MOB1B: variants seen among roughly 807,000 people sequenced by gnomAD.
The protein encoded by MOB1B is MOB1 Mps One Binder homolog B.
MOB1B carries 19 observed loss-of-function variants against 24.4 expected under a neutral mutation model. The ratio of observed to expected loss-of-function variants is 0.78; its 90% CI spans 0.54 to 1.14. MOB1B has a LOEUF of 1.14. MOB1B is among the 50% of genes most tolerant of loss of function. The pLI is 0.00. For missense variants in MOB1B, 243 were observed against 259.6 expected (o/e 0.94, Z 0.44); for synonymous variants, 76 against 82.1 (o/e 0.93, Z 0.40).
At chr4:70,904,279 C>G (rs1578336428) in intron 1 of MOB1B, among the ~76,000 whole-genome samples, 2 of 151,882 alleles carry the variant, frequency 1.3e-5, no homozygotes, top group Admixed American at 1.3e-4. Flanking sequence ...CCCACCGTGC[C>G]TGGGCAGTTT....
At chr4:70,981,364 G>A (rs1184785903) in intron 5 of MOB1B, among the ~76,000 whole-genome samples, 2 of 152,126 alleles carry the variant, frequency 1.3e-5, no homozygotes, top group African/African-American at 4.8e-5. Context: ...ATAGTTCAGG[G>A]GAAATCTATT....
intron 1 of MOB1B, among the ~76,000 whole-genome samples, chr4:70,941,930 C>T (rs972061432): frequency 2.6e-5 from 4 of 152,020 alleles, no homozygotes; most frequent in African/African-American, 9.7e-5. Flanking sequence ...TTCTAAATTT[C>T]TTAAACCTCT....
chr4:70,971,750 T>C (rs1462396697), intron 3 of MOB1B, among the ~76,000 whole-genome samples: 2 of 152,184 alleles, frequency 1.3e-5, no homozygotes, highest in African/African-American at 4.8e-5. Context: ...TAGTTATGCC[T>C]TGAGAAATTA....
At chr4:70,942,431 G>A (rs1346811673) in intron 1 of MOB1B, among the ~76,000 whole-genome samples, 1 of 151,846 alleles carries the variant, frequency 6.6e-6, no homozygotes, top group Non-Finnish European at 1.5e-5. Flanking sequence ...CATTAGCATG[G>A]ATTTCTTTAT....
At chr4:70,925,229 G>A (rs1339623018) in intron 1 of MOB1B, among the ~76,000 whole-genome samples, 1 of 152,054 alleles carries the variant, frequency 6.6e-6, no homozygotes, top group African/African-American at 2.4e-5. Flanking sequence ...TAGAGACGGG[G>A]TTTCACCATA....
At chr4:70,969,126 A>C (rs1220282828) in intron 2 of MOB1B, among the ~76,000 whole-genome samples, 4 of 152,022 alleles carry the variant, frequency 2.6e-5, no homozygotes, top group African/African-American at 9.7e-5. Context: ...GTGCTTTATA[A>C]ATCTTAATAC....
chr4:70,959,107 T>C, intron 2 of MOB1B, 67 bp downstream of exon 2: 4 of 1,332,768 alleles, frequency 3.0e-6, no homozygotes, highest in Admixed American at 2.0e-5. Context: ...TGGTGAGTGT[T>C]GGTGCTGTCC....
rs1289970417 is a variant in MOB1B, at chr4:70,982,171, G to C, written c.*114G>C. ...GTTTTTGTCCTAGGTTTGGGGGCGG[G>C]GGCTTGTTTGGGTTCCTTTTTCTTT... On this transcript the variant is annotated 3_prime_UTR_variant, in exon 6 of 6. Transcript: ENST00000309395. The C allele has an allele frequency of 7.7e-6, 5 of 645,290 alleles. No homozygotes were observed. The highest frequency in any genetic ancestry group is 1.3e-5 in the Non-Finnish European group (5 of 381,878). The allele number at this position is 645,290 out of a possible 1,614,324, so 40.0% of individuals were successfully genotyped here. A position where few individuals can be genotyped will look rare whatever the true frequency, so the allele number is the denominator to read the frequency against.
chr4:70,979,924 A>T (rs1449285842), intron 5 of MOB1B, among the ~76,000 whole-genome samples: 1 of 152,194 alleles, frequency 6.6e-6, no homozygotes, highest in Non-Finnish European at 1.5e-5. Flanking sequence ...TGCTCTAATA[A>T]TAAGAGAAAT....
intron 5 of MOB1B, 59 bp downstream of exon 5, chr4:70,979,350 A>T: frequency 7.5e-7 from 1 of 1,329,388 alleles, no homozygotes; most frequent in Non-Finnish European, 1.1e-6. Flanking sequence ...CATAGTTCTA[A>T]GGTAAATACT....
intron 1 of MOB1B, among the ~76,000 whole-genome samples, chr4:70,917,547 C>G (rs529047176): frequency 6.6e-6 from 1 of 152,086 alleles, no homozygotes; most frequent in Non-Finnish European, 1.5e-5. Flanking sequence ...ATTATGAACC[C>G]AAAGTTCAAG....
In MOB1B at chr4:70,985,920, C is replaced by A. The variant is rs554642196; in HGVS notation, c.*3863C>A. 6.6e-6 allele frequency: 1 copy of A among 152,096 alleles called. No homozygotes were observed. Among genetic ancestry groups the A allele is most frequent in the Admixed American group, 6.5e-5 (1 of 15,268 alleles). The allele number at this position is 152,096 out of a possible 1,614,324, so 9.4% of individuals were successfully genotyped here. A position where few individuals can be genotyped will look rare whatever the true frequency, so the allele number is the denominator to read the frequency against. On this transcript the variant is annotated 3_prime_UTR_variant, in exon 6 of 6. Coordinates refer to ENST00000309395, the MANE Select transcript of MOB1B (RefSeq NM_173468.4). ...GTTCAAAGGAATGTGCCATGATTTC[C>A]GAATTTGCACAAGAGAATGTTTTAA...
rs75872837 is a variant in MOB1B, at chr4:70,920,997, G to A, written c.14+18447G>A. 2.0e-4 allele frequency among the ~76,000 whole-genome samples: 31 copies of A among 152,134 alleles called. No individual in the cohort carries two copies. In the East Asian group the frequency reaches 3.7e-3, roughly 18 times the overall value. ...TGCATCAGAAACAAAATAACCATTC[G>A]CGGAACCAAGTAAAAGCCTTCCACT... On this transcript the variant is annotated intron_variant, in intron 1 of 5. Coordinates refer to ENST00000309395, the MANE Select transcript of MOB1B (RefSeq NM_173468.4).
intron 2 of MOB1B, 149 bp downstream of exon 2, chr4:70,959,189 A>G: frequency 1.6e-6 from 1 of 622,790 alleles, no homozygotes; most frequent in Non-Finnish European, 2.7e-6. Flanking sequence ...CCTTCATGTT[A>G]CTTTATTTAC....
chr4:70,958,695 G>T, intron 1 of MOB1B, 179 bp from the exon 2 acceptor site: 1 of 762,368 alleles, frequency 1.3e-6, no homozygotes, highest in Non-Finnish European at 2.3e-6. Context: ...TTCTTTTTGT[G>T]AGTTAACTAG....
intron 1 of MOB1B, among the ~76,000 whole-genome samples, chr4:70,924,542 A>G (rs991590683): frequency 6.6e-6 from 1 of 152,082 alleles, no homozygotes; most frequent in Non-Finnish European, 1.5e-5. Flanking sequence ...TGCAGTTTTG[A>G]TACATAGGTA....
intron 1 of MOB1B, among the ~76,000 whole-genome samples, chr4:70,927,889 C>T (rs1339306771): frequency 6.6e-6 from 1 of 152,170 alleles, no homozygotes; most frequent in African/African-American, 2.4e-5. Context: ...ACCACTCCAG[C>T]CTCATCCGTG....
Position 70,982,122 on chromosome 4 carries a change from T to C in MOB1B, c.*65T>C. 8.0e-7 allele frequency: 1 copy of C among 1,246,456 alleles called. No homozygotes were observed. Among genetic ancestry groups the C allele is most frequent in the Non-Finnish European group, 1.2e-6 (1 of 865,242 alleles). 77.2% of individuals were successfully genotyped at this position (1,246,456 alleles called of 1,614,324 possible). ...AGTGTGGAGTGTATTGGGGATTTTG[T>C]TATATTTTGTTTTTATCTGGATTGT... On this transcript the variant is annotated 3_prime_UTR_variant, in exon 6 of 6. Coordinates refer to ENST00000309395, the MANE Select transcript of MOB1B (RefSeq NM_173468.4).
intron 1 of MOB1B, among the ~76,000 whole-genome samples, chr4:70,928,317 A>T (rs1433725639): frequency 1.4e-5 from 2 of 147,114 alleles, no homozygotes; most frequent in South Asian, 2.1e-4. Flanking sequence ...TTTTTTTGAG[A>T]TGGAGTCTTG....
Sources: gnomAD v4.1 joint callset for allele counts (sites outside exome capture counted in the v4.1 genomes callset) on GRCh38, gnomAD v4.1.1 for gene constraint, MANE v1.5 for transcripts, NCBI Gene and HGNC (gene_info 2026-07-23, HGNC 2026-07-21) for gene names.